Variants in PKIA observed in about 807,000 individuals in gnomAD.
PKIA encodes the protein cAMP-dependent protein kinase inhibitor alpha, also known as PKI-alpha.
PKIA carries 4 observed loss-of-function variants against 7.6 expected under a neutral mutation model. The observed-to-expected ratio is 0.52, with a 90% confidence interval of 0.26 to 1.20. The LOEUF (loss-of-function observed/expected upper bound fraction) is 1.20, where lower values mean the gene tolerates loss of function less well. Ranked by LOEUF, PKIA falls within the 50% of genes most tolerant of loss-of-function variation. The pLI, the probability that PKIA is intolerant of heterozygous loss-of-function variation, is 0.13. For synonymous variants in PKIA, 21 were observed against 30.7 expected, an observed-to-expected ratio of 0.68 and a Z score of 1.04; for missense variants, 73 against 86.2, an observed-to-expected ratio of 0.85 and a Z score of 0.61.
chr8:78,587,593 C>A (rs1280188915), intron 2 of PKIA, among the ~76,000 whole-genome samples: 1 of 151,956 alleles, frequency 6.6e-6, no homozygotes, highest in African/African-American at 2.4e-5. Flanking sequence ...ATATAAAAAG[C>A]CCTAGCAAAA....
intron 2 of PKIA, among the ~76,000 whole-genome samples, chr8:78,576,444 A>G (rs1807675194): frequency 6.6e-6 from 1 of 152,006 alleles, no homozygotes; most frequent in Admixed American, 6.6e-5. Flanking sequence ...TTTTCTTAAC[A>G]AAGAAGAATA....
intron 1 of PKIA, chr8:78,534,072 A>G (rs1259339438): frequency 6.6e-6 from 1 of 152,118 alleles, no homozygotes; most frequent in Non-Finnish European, 1.5e-5. Flanking sequence ...CCAACTTTAT[A>G]GTTTCTCACT....
chr8:78,539,364 A>T (rs1318901984), intron 1 of PKIA, among the ~76,000 whole-genome samples: 1 of 152,118 alleles, frequency 6.6e-6, no homozygotes, highest in Non-Finnish European at 1.5e-5. Flanking sequence ...ACTCAGGGGT[A>T]TAAGCAAGTG....
At chr8:78,545,548 G>A (rs1214131490) in intron 1 of PKIA, among the ~76,000 whole-genome samples, 1 of 152,086 alleles carries the variant, frequency 6.6e-6, no homozygotes, top group Non-Finnish European at 1.5e-5. Context: ...TGTAAGCTTA[G>A]CATATTTTGT....
At chr8:78,577,280 G>A (rs557240550) in intron 2 of PKIA, among the ~76,000 whole-genome samples, 1 of 151,850 alleles carries the variant, frequency 6.6e-6, no homozygotes, top group Non-Finnish European at 1.5e-5. Flanking sequence ...CTTACAAGTG[G>A]GAGCTAAATG....
At chr8:78,524,794 G>A (rs1032835397) in intron 1 of PKIA, among the ~76,000 whole-genome samples, 14 of 151,822 alleles carry the variant, frequency 9.2e-5, no homozygotes, top group African/African-American at 2.7e-4. Context: ...TTCAATAAAC[G>A]TAAATTGTTA....
At chr8:78,525,779 C>T (rs1311689393) in intron 1 of PKIA, among the ~76,000 whole-genome samples, 1 of 151,914 alleles carries the variant, frequency 6.6e-6, no homozygotes, top group Non-Finnish European at 1.5e-5. Flanking sequence ...GGGCTTTCCT[C>T]CTCCCTTTTG....
intron 2 of PKIA, among the ~76,000 whole-genome samples, chr8:78,595,837 G>C (rs989602326): frequency 2.0e-5 from 3 of 152,206 alleles, no homozygotes; most frequent in African/African-American, 7.2e-5. Context: ...ATGAACATAC[G>C]TGTGCATGTG....
chr8:78,564,519 C>G, intron 1 of PKIA, among the ~76,000 whole-genome samples: 1 of 151,954 alleles, frequency 6.6e-6, no homozygotes, highest in East Asian at 1.9e-4. Flanking sequence ...ATCACAATAT[C>G]TTATTTTGGT....
chr8:78,536,859 TACACACACACACACACACACACAC>T (rs58547049), intron 1 of PKIA, among the ~76,000 whole-genome samples: 82 of 136,128 alleles, frequency 6.0e-4, no homozygotes, highest in African/African-American at 2.0e-3. Flanking sequence ...CTAGAAAACA[TACACACACACACACACACACACAC>T]ACACACACAC....
chr8:78,548,741 C>T (rs751219105), intron 1 of PKIA, among the ~76,000 whole-genome samples: 19 of 151,920 alleles, frequency 1.3e-4, no homozygotes, highest in Non-Finnish European at 2.7e-4. Context: ...TCTGTTATTC[C>T]ATGTTGACTT....
At position 78,555,753 on chromosome 8, in the gene PKIA, GTGTT is replaced by G. The variant is rs539954142; in HGVS notation, c.-156-17054_-156-17051del. On this transcript the variant is annotated intron_variant, in intron 1 of 3. Coordinates refer to ENST00000396418, the MANE Select transcript of PKIA (RefSeq NM_006823.4). ...AGTGTCAATGTGTGTGTGTGAGAGA[GTGTT>G]TGTATAGAAACCACTCTAGAAAAAG... 3.3e-3 allele frequency among the ~76,000 whole-genome samples: 503 copies of G among 152,080 alleles called. 4 individuals carry two copies. The highest frequency in any genetic ancestry group is 0.011 in the African/African-American group (471 of 41,544).
intron 1 of PKIA, among the ~76,000 whole-genome samples, chr8:78,529,520 T>C (rs1397249348): frequency 2.0e-5 from 3 of 152,060 alleles, no homozygotes; most frequent in African/African-American, 4.8e-5. Flanking sequence ...ACATTTTTAC[T>C]TAAAAATTAA....
chr8:78,598,194 G>T (rs901349055), intron 2 of PKIA, among the ~76,000 whole-genome samples, 164 bp from the exon 3 acceptor site: 1 of 150,200 alleles, frequency 6.7e-6, no homozygotes, highest in Non-Finnish European at 1.5e-5. Context: ...TACATTAAAG[G>T]TTCCCAGACC....
At chr8:78,559,431 ATTGC>A (rs1373131705) in intron 1 of PKIA, among the ~76,000 whole-genome samples, 2 of 152,178 alleles carry the variant, frequency 1.3e-5, no homozygotes, top group African/African-American at 2.4e-5. Context: ...CTAAGCATGC[ATTGC>A]TTGCTTAAGA....
intron 2 of PKIA, chr8:78,591,227 G>A (rs563588453): frequency 6.5e-6 from 1 of 152,698 alleles, no homozygotes; most frequent in African/African-American, 2.4e-5. Flanking sequence ...AACATCATAG[G>A]CCCAACTTCT....
At chr8:78,595,536 A>G (rs929292701) in intron 2 of PKIA, among the ~76,000 whole-genome samples, 1 of 152,180 alleles carries the variant, frequency 6.6e-6, no homozygotes, top group African/African-American at 2.4e-5. Context: ...TTTATTACCC[A>G]GGTAATAAGC....
At chr8:78,548,073 A>G (rs1037123279) in intron 1 of PKIA, among the ~76,000 whole-genome samples, 23 of 152,100 alleles carry the variant, frequency 1.5e-4, no homozygotes, top group African/African-American at 5.3e-4. Context: ...AATAAGTTTT[A>G]AAAAATATTA....
chr8:78,542,000 T>C (rs1296579266), intron 1 of PKIA, among the ~76,000 whole-genome samples: 1 of 151,930 alleles, frequency 6.6e-6, no homozygotes, highest in African/African-American at 2.4e-5. Flanking sequence ...TAAGACCCTA[T>C]CTCTACAAAA....
Sources: allele counts gnomAD v4.1 joint callset (sites outside exome capture counted in the v4.1 genomes callset), GRCh38; gene constraint gnomAD v4.1.1; transcripts MANE v1.5; gene names NCBI Gene and HGNC (gene_info 2026-07-23, HGNC 2026-07-21).